The following ALK variants were observed in gnomAD, a reference collection of about 807,000 sequenced individuals.
ALK encodes the protein ALK receptor tyrosine kinase, also known as ALK tyrosine kinase receptor.
Under a neutral mutation model 163.1 loss-of-function variants are expected in ALK, and 74 were observed. That is an observed-to-expected ratio of 0.45 (90% CI 0.38 to 0.55). The LOEUF (loss-of-function observed/expected upper bound fraction) is 0.55. Among genes scored for constraint, ALK ranks in the 20% least tolerant of loss-of-function variants. The pLI is 0.00. For missense variants in ALK, 2,063 were observed against 2,105.3 expected, an observed-to-expected ratio of 0.98 and a Z score of 0.39; for synonymous variants, 960 against 843.2, an observed-to-expected ratio of 1.14 and a Z score of -2.40.
chr2:29,317,555 G>A (rs1180108376), intron 8 of ALK, among the ~76,000 whole-genome samples: 1 of 152,180 alleles, frequency 6.6e-6, no homozygotes, highest in African/African-American at 2.4e-5. Context: ...AAGCCCTTTG[G>A]ACATTATCTA....
intron 5 of ALK, among the ~76,000 whole-genome samples, chr2:29,330,259 G>C (rs964511729): frequency 6.6e-6 from 1 of 152,136 alleles, no homozygotes; most frequent in East Asian, 1.9e-4. Context: ...TGTGCTGCAG[G>C]CTCCCAGAGG....
chr2:29,202,733 T>G (rs1406258717), intron 26 of ALK, among the ~76,000 whole-genome samples: 1 of 152,282 alleles, frequency 6.6e-6, no homozygotes, highest in African/African-American at 2.4e-5. Context: ...TCTTTTATAC[T>G]GCGGAATAGT....
At chr2:29,656,374 C>G (rs971867898) in intron 3 of ALK, among the ~76,000 whole-genome samples, 1 of 152,068 alleles carries the variant, frequency 6.6e-6, no homozygotes, top group Non-Finnish European at 1.5e-5. Flanking sequence ...ACATTTCTAT[C>G]CCACAGGACA....
At chr2:29,289,190 C>T (rs976799437) in intron 9 of ALK, among the ~76,000 whole-genome samples, 5 of 152,100 alleles carry the variant, frequency 3.3e-5, no homozygotes, top group African/African-American at 4.8e-5. Context: ...CTTCTCCTGT[C>T]CTCGATCATT....
intron 4 of ALK, among the ~76,000 whole-genome samples, chr2:29,530,727 G>C (rs970839082): frequency 1.3e-5 from 2 of 152,212 alleles, no homozygotes; most frequent in Non-Finnish European, 2.9e-5. Context: ...TCCCAAACAA[G>C]GGGCAGCCCA....
intron 1 of ALK, among the ~76,000 whole-genome samples, chr2:29,917,016 T>C (rs1667854109): frequency 6.6e-6 from 1 of 152,214 alleles, no homozygotes; most frequent in Non-Finnish European, 1.5e-5. Flanking sequence ...GAAAAACCAT[T>C]AGCATTTCAT....
At chr2:29,461,332 G>A (rs1195524880) in intron 4 of ALK, among the ~76,000 whole-genome samples, 3 of 152,200 alleles carry the variant, frequency 2.0e-5, no homozygotes, top group Admixed American at 6.5e-5. Flanking sequence ...CTACACAACA[G>A]ATTTTCAATA....
chr2:29,337,129 C>T (rs1026449489), intron 5 of ALK, among the ~76,000 whole-genome samples: 3 of 152,102 alleles, frequency 2.0e-5, no homozygotes, highest in Admixed American at 6.5e-5. Flanking sequence ...TCCTTTCTGA[C>T]GTTAATGGGG....
At chr2:29,487,101 T>C (rs1671792965) in intron 4 of ALK, among the ~76,000 whole-genome samples, 1 of 152,228 alleles carries the variant, frequency 6.6e-6, no homozygotes, top group Non-Finnish European at 1.5e-5. Flanking sequence ...CATTTTCAGC[T>C]TCTGGAAAGT....
intron 1 of ALK, among the ~76,000 whole-genome samples, chr2:29,875,018 A>C (rs945020365): frequency 3.9e-5 from 6 of 152,238 alleles, no homozygotes; most frequent in Non-Finnish European, 7.3e-5. Context: ...TTCCACTCCT[A>C]GGTACACACT....
intron 8 of ALK, among the ~76,000 whole-genome samples, chr2:29,308,403 T>C (rs927683010): frequency 2.0e-5 from 3 of 152,226 alleles, no homozygotes; most frequent in Non-Finnish European, 2.9e-5. Context: ...AGTTCTTTTA[T>C]AATCAGAGAA....
At chr2:29,630,139 A>G (rs956239838) in intron 3 of ALK, among the ~76,000 whole-genome samples, 14 of 152,190 alleles carry the variant, frequency 9.2e-5, no homozygotes, top group African/African-American at 3.1e-4. Flanking sequence ...CATTGGAATA[A>G]GCACGGAGGA....
chr2:29,402,888 C>T (rs10188439), intron 4 of ALK, among the ~76,000 whole-genome samples: 2 of 151,916 alleles, frequency 1.3e-5, no homozygotes, highest in South Asian at 2.1e-4. Context: ...CTCCCTACCC[C>T]CTCTTTGTTA....
At chr2:29,220,244 T>A (rs983562548) in intron 23 of ALK, among the ~76,000 whole-genome samples, 1 of 152,130 alleles carries the variant, frequency 6.6e-6, no homozygotes. Flanking sequence ...TGAGTTCTCA[T>A]GAGACCTGGT....
At chr2:29,258,480 G>T (rs560794359) in intron 11 of ALK, among the ~76,000 whole-genome samples, 14 of 152,226 alleles carry the variant, frequency 9.2e-5, no homozygotes, top group Admixed American at 5.9e-4. Flanking sequence ...CTACTATTTG[G>T]GTTACTGAGT....
At chr2:29,638,844 C>T (rs574261733) in intron 3 of ALK, among the ~76,000 whole-genome samples, 1 of 152,278 alleles carries the variant, frequency 6.6e-6, no homozygotes, top group South Asian at 2.1e-4. Flanking sequence ...CATGTTTATA[C>T]ATGTTTTACC....
At chr2:29,424,523 C>T (rs968831961) in intron 4 of ALK, among the ~76,000 whole-genome samples, 2 of 152,140 alleles carry the variant, frequency 1.3e-5, no homozygotes, top group Non-Finnish European at 2.9e-5. Flanking sequence ...GGCAAAAGAA[C>T]TAATTAGCAA....
chr2:29,301,801 A>G (rs1666378345), intron 8 of ALK, among the ~76,000 whole-genome samples: 1 of 152,216 alleles, frequency 6.6e-6, no homozygotes, highest in South Asian at 2.1e-4. Flanking sequence ...TTTTAGGCCA[A>G]TCAGGCCGGG....
chr2:29,645,642 G>C (rs1676850431), intron 3 of ALK, among the ~76,000 whole-genome samples: 2 of 152,064 alleles, frequency 1.3e-5, no homozygotes, highest in Admixed American at 6.6e-5. Flanking sequence ...CTCCAGCCAG[G>C]CTTTTTCCGC....
Sources: allele counts gnomAD v4.1 joint callset (sites outside exome capture counted in the v4.1 genomes callset), GRCh38; gene constraint gnomAD v4.1.1; transcripts MANE v1.5; gene names NCBI Gene and HGNC (gene_info 2026-07-23, HGNC 2026-07-21).